Variants in GLDC observed in about 807,000 individuals in gnomAD.
The protein encoded by GLDC is glycine dehydrogenase (decarboxylating), mitochondrial.
In GLDC, 104 loss-of-function variants were observed where a neutral mutation model predicts 121.3. That is an observed-to-expected ratio of 0.86 (90% confidence interval 0.73 to 1.01). GLDC has a LOEUF of 1.01. GLDC is among the 50% of genes least tolerant of loss of function. The probability of loss-of-function intolerance (pLI) is 0.00; values close to 1 mark genes in which losing one functional copy is unlikely to be tolerated. For synonymous variants in GLDC, 546 were observed against 480.6 expected, an observed-to-expected ratio of 1.14 and a Z score of -1.78; for missense variants, 1,429 against 1,306.6, an observed-to-expected ratio of 1.09 and a Z score of -1.44.
chr9:6,541,212 A>G (rs1455756318), intron 21 of GLDC: 1 of 152,210 alleles, frequency 6.6e-6, no homozygotes, highest in Admixed American at 6.5e-5. Context: ...CCCCAGAATG[A>G]GCTACTGACC....
At chr9:6,636,235 C>T (rs1819499018) in intron 2 of GLDC, among the ~76,000 whole-genome samples, 3 of 150,180 alleles carry the variant, frequency 2.0e-5, no homozygotes, top group Non-Finnish European at 1.5e-5. Context: ...ACCCAGGAGG[C>T]GGAGGTTGCA....
At chr9:6,622,387 A>AGG (rs1819121436) in intron 2 of GLDC, among the ~76,000 whole-genome samples, 1 of 144,622 alleles carries the variant, frequency 6.9e-6, no homozygotes, top group African/African-American at 2.6e-5. Context: ...GATTGCAGGC[A>AGG]CGCGCCGCCA....
chr9:6,640,043 G>C (rs1054970162), intron 2 of GLDC, among the ~76,000 whole-genome samples: 2 of 152,162 alleles, frequency 1.3e-5, no homozygotes, highest in African/African-American at 4.8e-5. Flanking sequence ...CCGACTTCTA[G>C]TAAATCCTCA....
chr9:6,635,661 C>A (rs1819486255), intron 2 of GLDC, among the ~76,000 whole-genome samples: 1 of 151,924 alleles, frequency 6.6e-6, no homozygotes, highest in Non-Finnish European at 1.5e-5. Context: ...TCATTTAAGC[C>A]CAGAAGCTTG....
At chr9:6,623,948 T>G (rs772143612) in intron 2 of GLDC, among the ~76,000 whole-genome samples, 22 of 152,254 alleles carry the variant, frequency 1.4e-4, no homozygotes, top group Non-Finnish European at 2.8e-4. Flanking sequence ...ATTATGATCC[T>G]GTGCAGGGGG....
chr9:6,567,031 T>C (rs949555477), intron 15 of GLDC: 1 of 152,164 alleles, frequency 6.6e-6, no homozygotes, highest in Non-Finnish European at 1.5e-5. Flanking sequence ...CTGAGCACAC[T>C]GTGCTCTCCA....
At position 6,629,929 on chromosome 9, in the gene GLDC, C is replaced by CTA. The variant is rs771840710; in HGVS notation, c.335-9612_335-9611dup. 7.6e-3 allele frequency among the ~76,000 whole-genome samples: 781 copies of CTA among 102,106 alleles called. 36 individuals carry two copies. Among genetic ancestry groups the CTA allele is most frequent in the Middle Eastern group, 0.047 (10 of 214 alleles). 67.0% of individuals were successfully genotyped at this position (102,106 alleles called of 152,430 possible). ...ATGTGGGAGGGAGGCTTGCTTTTCA[C>CTA]TATATATATATATATGTATATATAT... On this transcript the variant is annotated intron_variant, in intron 2 of 24. Coordinates refer to ENST00000321612, the MANE Select transcript of GLDC (RefSeq NM_000170.3).
At chr9:6,586,394 T>C (rs7037383) in intron 15 of GLDC, among the ~76,000 whole-genome samples, 78,741 of 152,056 alleles carry the variant, frequency 0.52, 20,825 homozygotes, top group Middle Eastern at 0.57. Flanking sequence ...GGAGTTTGTA[T>C]TTTTAACAAG....
intron 22 of GLDC, among the ~76,000 whole-genome samples, chr9:6,537,117 A>G (rs1010631786): frequency 3.3e-5 from 5 of 151,624 alleles, no homozygotes; most frequent in African/African-American, 1.2e-4. Context: ...TGCAGCCTCA[A>G]CCTCCTGGGC....
intron 19 of GLDC, among the ~76,000 whole-genome samples, chr9:6,553,724 CA>C (rs1182586911): frequency 6.6e-6 from 1 of 152,070 alleles, no homozygotes; most frequent in Non-Finnish European, 1.5e-5. Context: ...TCCCAGGGCT[CA>C]CCCAAGAAAT....
At position 6,590,124 on chromosome 9, in the gene GLDC, A is replaced by T. The variant is rs563333010; in HGVS notation, c.1483-832T>A. Among the ~76,000 whole-genome samples the T allele has an allele frequency of 2.2e-4, 34 of 152,244 alleles. No individual in the cohort carries two copies. The East Asian group carries it at 6.2e-3, about 28-fold the overall frequency. On this transcript the variant is annotated intron_variant, in intron 11 of 24. Transcript: ENST00000321612. ...ATCTGGCAATGGTTTCTTAAATGTG[A>T]CACCAAAGGAATAAACAATAAACAT...
At chr9:6,619,701 C>A (rs571612235) in intron 3 of GLDC, among the ~76,000 whole-genome samples, 10 of 152,304 alleles carry the variant, frequency 6.6e-5, no homozygotes, top group Non-Finnish European at 1.3e-4. Context: ...GCACTCCAGA[C>A]TGGGATACAC....
At chr9:6,612,127 C>T (rs1818868935) in intron 3 of GLDC, among the ~76,000 whole-genome samples, 1 of 151,960 alleles carries the variant, frequency 6.6e-6, no homozygotes, top group Admixed American at 6.6e-5. Flanking sequence ...AACTAATTTA[C>T]AGTTGCTAAG....
intron 1 of GLDC, 24 bp from the exon 2 acceptor site, chr9:6,644,716 G>A (rs1195805652): frequency 2.6e-6 from 4 of 1,533,166 alleles, no homozygotes; most frequent in Non-Finnish European, 3.6e-6. Context: ...GCAAGGCAGA[G>A]GAAAGTGCCT....
At chr9:6,569,894 T>G (rs962797073) in intron 15 of GLDC, among the ~76,000 whole-genome samples, 3 of 151,860 alleles carry the variant, frequency 2.0e-5, no homozygotes, top group African/African-American at 4.8e-5. Flanking sequence ...GAGAATCGCT[T>G]AAAGCAAGGA....
chr9:6,645,401 C>G lies in GLDC; in HGVS notation c.99G>C (p.Arg33=). The G allele has an allele frequency of 6.7e-7, 1 of 1,491,808 alleles. No homozygotes were observed. The highest frequency in any genetic ancestry group is 8.9e-7 in the Non-Finnish European group (1 of 1,122,022). 92.4% of individuals were successfully genotyped at this position (1,491,808 alleles called of 1,614,324 possible). The change falls in exon 1 of 25, where the codon CGG becomes CGC. Residue 33 remains arginine, a synonymous_variant. Transcript: ENST00000321612. ...CGCCGCCACTGCTGCTGTCCCGGCT[C>G]CGCGGCGCCCAGCACGGCCCCGATC... ...AGGSGPCWAP[R]SRDSSSGGGD... is the part of the protein sequence containing the mutation.
At chr9:6,544,910 A>G (rs6477089) in intron 21 of GLDC, among the ~76,000 whole-genome samples, 44,355 of 151,704 alleles carry the variant, frequency 0.29, 8,765 homozygotes, top group African/African-American at 0.55. Flanking sequence ...GACCAGCCTG[A>G]CCAACAAGGA....
intron 2 of GLDC, among the ~76,000 whole-genome samples, chr9:6,620,743 T>C (rs1289407095): frequency 6.6e-6 from 1 of 152,246 alleles, no homozygotes; most frequent in Non-Finnish European, 1.5e-5. Context: ...AGCTTCAGTC[T>C]AATTAACACA....
chr9:6,551,867 T>C (rs1053692979), intron 20 of GLDC, among the ~76,000 whole-genome samples: 2 of 152,198 alleles, frequency 1.3e-5, no homozygotes, highest in African/African-American at 4.8e-5. Flanking sequence ...TAGGAAGGAC[T>C]TCGACTTTGT....
Sources: gnomAD v4.1 joint callset for allele counts (sites outside exome capture counted in the v4.1 genomes callset) on GRCh38, gnomAD v4.1.1 for gene constraint, MANE v1.5 for transcripts, NCBI Gene and HGNC (gene_info 2026-07-23, HGNC 2026-07-21) for gene names.